Variants in OSR1 observed in about 807,000 individuals in gnomAD.
OSR1 encodes the protein protein odd-skipped-related 1.
OSR1 carries 3 observed loss-of-function variants against 15.7 expected under a neutral mutation model. That is an observed-to-expected ratio of 0.19 (90% CI 0.09 to 0.50). OSR1 has a LOEUF of 0.50. Among genes scored for constraint, OSR1 ranks in the 20% least tolerant of loss-of-function variants. OSR1 has a pLI of 0.97. For synonymous variants in OSR1, 166 were observed against 152.7 expected (o/e 1.09, Z -0.64); for missense variants, 271 against 351.1 (o/e 0.77, Z 1.82).
At chr2:19,349,142 A>G (rs77539253), downstream of OSR1, among the ~76,000 whole-genome samples, 3,297 of 152,328 alleles carry the variant, frequency 0.022, 51 homozygotes, top group Middle Eastern at 0.044. Context: ...AAACCCACCC[A>G]ACATTTCTGA....
rs898419052 is a variant in OSR1 at position 19,357,434 on chromosome 2, A to G, written c.-33+907T>C. ...CTACTGCCTGAGCTGCTGAAAAAGG[A>G]CTAAACGTGGTTTTTCATTCTTCTC... On this transcript the variant is annotated intron_variant, in intron 1 of 2. Transcript: ENST00000272223. The surrounding 1 kb of genome is among the most constrained non-coding windows in gnomAD (Gnocchi z 5.0). Among the ~76,000 whole-genome samples, 8 of 152,188 alleles carry G rather than the reference A, an allele frequency of 5.3e-5. No individual in the cohort carries two copies. The highest frequency in any genetic ancestry group is 3.9e-4 in the Admixed American group (6 of 15,274).
chr2:19,354,181 G>A (rs776819486), intron 1 of OSR1: 2 of 201,342 alleles, frequency 9.9e-6, no homozygotes, highest in African/African-American at 4.6e-5. Context: ...TTGACATCCA[G>A]GTAAGCCCGG....
At position 19,353,377 on chromosome 2, in the gene OSR1, A is replaced by G. The variant is rs1293923127; in HGVS notation, c.429T>C (p.Pro143=). The G allele has an allele frequency of 3.1e-6, 5 of 1,614,052 alleles. No homozygotes were observed. The Admixed American group carries it at 8.3e-5, about 27-fold the overall frequency. ...KLGRGEGPGS[P]AGGLGALLDV... ...CGAGGAGGGCACCCAGCCCACCTGCAGGGGAGCCTGGGCCCTCCCCGCGAC... is the reference window on the plus strand; with the variant it reads ...CGAGGAGGGCACCCAGCCCACCTGCGGGGGAGCCTGGGCCCTCCCCGCGAC... The change falls in exon 2 of 3, where the codon CCT becomes CCC. Residue 143 remains proline (P), a synonymous_variant. Transcript: ENST00000272223.
Position 19,353,371 on chromosome 2 carries a change from A to T in OSR1, c.435T>A (p.Gly145=). The change falls in exon 2 of 3, where the codon GGT becomes GGA. Residue 145 remains glycine, a synonymous_variant. Coordinates refer to ENST00000272223, the MANE Select transcript of OSR1 (RefSeq NM_145260.3). ...TCACGTCGAGGAGGGCACCCAGCCC[A>T]CCTGCAGGGGAGCCTGGGCCCTCCC... ...GRGEGPGSPA[G]GLGALLDVTK... is the part of the protein sequence containing the mutation. 1 of 1,614,156 alleles carries T rather than the reference A, an allele frequency of 6.2e-7. No individual in the cohort carries two copies. The highest frequency in any genetic ancestry group is 8.5e-7 in the Non-Finnish European group (1 of 1,179,994).
At position 19,352,052 on chromosome 2, in the gene OSR1, C is replaced by T. The variant is rs1006234351; in HGVS notation, c.*223G>A. On this transcript the variant is annotated 3_prime_UTR_variant, in exon 3 of 3. Transcript: ENST00000272223. The stretch of plus-strand genomic sequence containing the variant: ...CCGCCACGTGAGTACCGCCTTTTGG[C>T]CAAGAGTTTAGCCGCGTCCTAGGGG... The T allele has an allele frequency of 7.2e-6, 3 of 417,608 alleles. No individual in the cohort carries two copies. The highest frequency in any genetic ancestry group is 4.2e-5 in the Admixed American group (1 of 23,782). 25.9% of individuals were successfully genotyped at this position (417,608 alleles called of 1,614,324 possible). A position where few individuals can be genotyped will look rare whatever the true frequency, so the allele number is the denominator to read the frequency against.
chr2:19,349,341 A>T (rs1471870371), downstream of OSR1, among the ~76,000 whole-genome samples: 2 of 152,190 alleles, frequency 1.3e-5, no homozygotes, highest in African/African-American at 4.8e-5. Flanking sequence ...AATCACTAGA[A>T]CAAGCTGCAG....
rs1664852762 is a variant in OSR1, at chr2:19,352,107, C to T, written c.*168G>A. The T allele has an allele frequency of 2.2e-5, 15 of 685,012 alleles. No homozygotes were observed. In the East Asian group the frequency reaches 3.3e-4, roughly 15 times the overall value. The allele number at this position is 685,012 out of a possible 1,614,324, so 42.4% of individuals were successfully genotyped here. A position where few individuals can be genotyped will look rare whatever the true frequency, so the allele number is the denominator to read the frequency against. ...GCAGGGACGGTCGGGGTCGCGGCCC[C>T]GGGCGGGGCTCTGAAGTGCCGCGTG... On this transcript the variant is annotated 3_prime_UTR_variant, in exon 3 of 3. Coordinates refer to ENST00000272223, the MANE Select transcript of OSR1 (RefSeq NM_145260.3).
Position 19,352,172 on chromosome 2 carries a change from T to G in OSR1, c.*103A>C. ...GGGACAATGTTGGAGAGGTGGAAGGTCCCGAGCGAGCGCCTCTCCCGCTGC... is the reference window on the plus strand; with the variant it reads ...GGGACAATGTTGGAGAGGTGGAAGGGCCCGAGCGAGCGCCTCTCCCGCTGC... On this transcript the variant is annotated 3_prime_UTR_variant, in exon 3 of 3. Transcript: ENST00000272223. 7.4e-7 allele frequency: 1 copy of G among 1,344,210 alleles called. No homozygotes were observed. The highest frequency in any genetic ancestry group is 1.0e-6 in the Non-Finnish European group (1 of 980,890). 83.3% of individuals were successfully genotyped at this position (1,344,210 alleles called of 1,614,324 possible).
In OSR1 at chr2:19,353,284, T is replaced by C. The variant is rs1664875305; in HGVS notation, c.522A>G (p.Glu174=). The C allele has an allele frequency of 6.2e-7, 1 of 1,614,216 alleles. No homozygotes were observed. The highest frequency in any genetic ancestry group is 8.5e-7 in the Non-Finnish European group (1 of 1,180,034). The change falls in exon 2 of 3, where the codon GAA becomes GAG. Residue 174 remains glutamate, a synonymous_variant. Coordinates refer to ENST00000272223, the MANE Select transcript of OSR1 (RefSeq NM_145260.3). ...RGRLPSKTKK[E]FVCKFCGRHF... Reference sequence around the variant, plus strand: ...GGCGGCCACAGAACTTGCAGACGAATTCCTTCTTGGTCTTGGAAGGCAGAC... The same window carrying C: ...GGCGGCCACAGAACTTGCAGACGAACTCCTTCTTGGTCTTGGAAGGCAGAC...
In OSR1 at chr2:19,353,278, G is replaced by C; in HGVS notation, c.528C>G (p.Val176=). 6.2e-7 allele frequency: 1 copy of C among 1,614,258 alleles called. No individual in the cohort carries two copies. The highest frequency in any genetic ancestry group is 8.5e-7 in the Non-Finnish European group (1 of 1,180,052). ...RLPSKTKKEF[V]CKFCGRHFTK... ...TGAAGTGGCGGCCACAGAACTTGCAGACGAATTCCTTCTTGGTCTTGGAAG... is the reference window on the plus strand; with the variant it reads ...TGAAGTGGCGGCCACAGAACTTGCACACGAATTCCTTCTTGGTCTTGGAAG... The change falls in exon 2 of 3, where the codon GTC becomes GTG. Residue 176 remains valine (V), a synonymous_variant. Transcript: ENST00000272223.
intron 2 of OSR1, 83 bp from the exon 3 acceptor site, chr2:19,352,493 G>GGGA: frequency 1.3e-6 from 2 of 1,519,594 alleles, no homozygotes; most frequent in Non-Finnish European, 9.0e-7. Flanking sequence ...CCACTGCTGT[G>GGGA]GGGCACTTGC....
chr2:19,346,482 G>A, the OSR1 span, among the ~76,000 whole-genome samples: 1 of 152,168 alleles, frequency 6.6e-6, no homozygotes, highest in Admixed American at 6.5e-5. Flanking sequence ...GAAAACAAAT[G>A]GGTCAGGCAT....
At chr2:19,353,959 G>T in intron 1 of OSR1, 122 bp from the exon 2 acceptor site, 1 of 805,644 alleles carries the variant, frequency 1.2e-6, no homozygotes, top group Non-Finnish European at 1.9e-6. Flanking sequence ...GGAGCTAAGA[G>T]TCTAAGACCC....
At chr2:19,355,053 T>G (rs1664922543) in intron 1 of OSR1, 1 of 152,208 alleles carries the variant, frequency 6.6e-6, no homozygotes, top group South Asian at 2.1e-4. Context: ...ATGCTTTTCA[T>G]CTCTACCTCC....
At chr2:19,350,514 T>C (rs947738145), downstream of OSR1, among the ~76,000 whole-genome samples, 2 of 152,152 alleles carry the variant, frequency 1.3e-5, no homozygotes, top group African/African-American at 4.8e-5. Flanking sequence ...GGATTTTTGG[T>C]GCCTGCAGCA....
chr2:19,345,344 T>C, the OSR1 span, among the ~76,000 whole-genome samples: 1 of 151,934 alleles, frequency 6.6e-6, no homozygotes, highest in Non-Finnish European at 1.5e-5. Context: ...TTTGTTGCCA[T>C]TGCTTTTGGT....
chr2:19,347,361 G>A (rs1466990857), downstream of OSR1, among the ~76,000 whole-genome samples: 1 of 152,162 alleles, frequency 6.6e-6, no homozygotes, highest in Non-Finnish European at 1.5e-5. Flanking sequence ...AGGTAGGTAG[G>A]AAAAGCCCTA....
chr2:19,345,514 C>A, the OSR1 span, among the ~76,000 whole-genome samples: 1 of 151,990 alleles, frequency 6.6e-6, no homozygotes, highest in Non-Finnish European at 1.5e-5. Flanking sequence ...TTTCAGCTTT[C>A]TACATATGGC....
At position 19,352,161 on chromosome 2, in the gene OSR1, G is replaced by A. The variant is rs2103359514; in HGVS notation, c.*114C>T. ...CAGGGACCCAGGGGACAATGTTGGA[G>A]AGGTGGAAGGTCCCGAGCGAGCGCC... On this transcript the variant is annotated 3_prime_UTR_variant, in exon 3 of 3. Transcript: ENST00000272223. 1.6e-6 allele frequency: 2 copies of A among 1,228,404 alleles called. No individual in the cohort carries two copies. The highest frequency in any genetic ancestry group is 4.9e-5 in the East Asian group (2 of 40,594). 76.1% of individuals were successfully genotyped at this position (1,228,404 alleles called of 1,614,324 possible).
Sources: allele counts gnomAD v4.1 joint callset (sites outside exome capture counted in the v4.1 genomes callset), GRCh38; gene constraint gnomAD v4.1.1; non-coding constraint Gnocchi (gnomAD v3.1); transcripts MANE v1.5; gene names NCBI Gene and HGNC (gene_info 2026-07-23, HGNC 2026-07-21).